DTL: variants seen among roughly 807,000 people sequenced by gnomAD.
The protein encoded by DTL is denticleless E3 ubiquitin protein ligase adapter.
In DTL, 46 loss-of-function variants were observed where a neutral mutation model predicts 87.0. The observed-to-expected ratio is 0.53, with a 90% CI of 0.42 to 0.68. The LOEUF is 0.68. Among genes scored for constraint, DTL ranks in the 30% least tolerant of loss-of-function variants. The pLI is 0.00. For synonymous variants in DTL, 308 were observed against 311.2 expected (o/e 0.99, Z 0.11); for missense variants, 737 against 869.4 (o/e 0.85, Z 1.91).
Position 212,100,261 on chromosome 1 carries a change from C to T in DTL, c.1271C>T (p.Thr424Met), listed in dbSNP as rs61733816. Residue 424 changes from threonine to methionine, a missense_variant, in exon 14 of 15, where the codon ACG (threonine) becomes ATG (methionine). Physicochemically the swap from Thr to Met is moderately conservative, Grantham distance 81. Transcript: ENST00000366991. ...CTCTCCTCTTTTTCAGTAACAGTAA[C>T]GAGTAGCCAGAGTACTCCTGCCAAA... The part of the protein sequence containing the change: ...KESRPGLVTV[T>M]SSQSTPAKAP... The T allele has an allele frequency of 1.0e-3, 1,612 of 1,553,602 alleles. 15 individuals carry two copies. In the African/African-American group the frequency reaches 0.02, roughly 19 times the overall value.
rs1331352989 is a variant in DTL at position 212,047,437 on chromosome 1, C to T, written c.460+20C>T. 7.4e-6 allele frequency: 12 copies of T among 1,613,902 alleles called. No individual in the cohort carries two copies. Among genetic ancestry groups the T allele is most frequent in the Non-Finnish European group, 1.0e-5 (12 of 1,179,956 alleles). Reference sequence around the variant, plus strand: ...AGAAAGGTAGGTTTGTGCTTATCTTCTTTCATCTCCTTAACCTTCTTTGCA... The same window carrying T: ...AGAAAGGTAGGTTTGTGCTTATCTTTTTTCATCTCCTTAACCTTCTTTGCA... On this transcript the variant is annotated intron_variant, in intron 5 of 14. Transcript: ENST00000366991.
Position 212,064,916 on chromosome 1 carries a change from G to C in DTL, c.527-1G>C. 1 of 1,612,554 alleles carries C rather than the reference G, an allele frequency of 6.2e-7. No individual in the cohort carries two copies. Among genetic ancestry groups the C allele is most frequent in the Non-Finnish European group, 8.5e-7 (1 of 1,178,610 alleles). ...CTAAATTTCCTTGGAATATCTTTCA[G>C]ATGGGTTTTATAGGCAAGTGAATCA... is the stretch of plus-strand genomic sequence containing the variant. On this transcript the variant is annotated splice_acceptor_variant, in intron 6 of 14. Transcript: ENST00000366991. LOFTEE classifies it high-confidence loss of function.
At chr1:212,065,106 G>A in intron 7 of DTL, 77 bp downstream of exon 7, 1 of 1,035,436 alleles carries the variant, frequency 9.7e-7, no homozygotes, top group Non-Finnish European at 1.5e-6. Flanking sequence ...TTGATTAAGT[G>A]AATGAGAATC....
At chr1:212,095,784 T>G (rs185947565) in intron 13 of DTL, among the ~76,000 whole-genome samples, 47 of 152,338 alleles carry the variant, frequency 3.1e-4, no homozygotes, top group African/African-American at 8.9e-4. Context: ...GCTAGTATTT[T>G]GTTGAGGATT....
chr1:212,076,134 T>G (rs1401444101), intron 11 of DTL, among the ~76,000 whole-genome samples: 1 of 152,214 alleles, frequency 6.6e-6, no homozygotes, highest in Admixed American at 6.5e-5. Context: ...TTGAGCTGTT[T>G]CCATTTTTTG....
chr1:212,074,526 G>A (rs998269334), intron 11 of DTL, among the ~76,000 whole-genome samples: 2 of 152,104 alleles, frequency 1.3e-5, no homozygotes, highest in Admixed American at 6.6e-5. Context: ...TGGTTCAGAC[G>A]TGATGTTCTT....
chr1:212,041,799 C>T (rs576111144), intron 1 of DTL, among the ~76,000 whole-genome samples: 1 of 152,234 alleles, frequency 6.6e-6, no homozygotes, highest in South Asian at 2.1e-4. Context: ...TGTGAGAGAC[C>T]GCGCCCGGCC....
intron 5 of DTL, among the ~76,000 whole-genome samples, chr1:212,059,149 G>A (rs1319474352): frequency 6.6e-6 from 1 of 152,070 alleles, no homozygotes; most frequent in Non-Finnish European, 1.5e-5. Context: ...TGAAAAGGAT[G>A]GGAATTCTCC....
At chr1:212,054,960 G>A (rs529460340) in intron 5 of DTL, among the ~76,000 whole-genome samples, 2 of 152,270 alleles carry the variant, frequency 1.3e-5, no homozygotes, top group East Asian at 3.9e-4. Context: ...AATGAATAGT[G>A]CCTGACACTT....
At chr1:212,050,447 G>C (rs1229369295) in intron 5 of DTL, among the ~76,000 whole-genome samples, 1 of 152,156 alleles carries the variant, frequency 6.6e-6, no homozygotes, top group African/African-American at 2.4e-5. Flanking sequence ...ACTTCTAGTG[G>C]ATAATTAAAA....
intron 13 of DTL, among the ~76,000 whole-genome samples, chr1:212,085,839 G>A (rs1655115223): frequency 6.6e-6 from 1 of 152,056 alleles, no homozygotes; most frequent in African/African-American, 2.4e-5. Context: ...TTTACATATG[G>A]ATATTTAACT....
intron 11 of DTL, among the ~76,000 whole-genome samples, chr1:212,075,771 A>T (rs1654810138): frequency 6.6e-6 from 1 of 152,194 alleles, no homozygotes. Flanking sequence ...TTTACAATGG[A>T]GTAGTTACTA....
chr1:212,064,328 A>G (rs1043580140), intron 6 of DTL, among the ~76,000 whole-genome samples: 2 of 152,120 alleles, frequency 1.3e-5, no homozygotes, highest in African/African-American at 4.8e-5. Flanking sequence ...CCTGTGCCTG[A>G]GTGGTACATT....
At position 212,100,738 on chromosome 1, in the gene DTL, A is replaced by C. The variant is rs1246414586; in HGVS notation, c.1748A>C (p.Asn583Thr). ...CVTELDGQVE[N>T]LHLDLCCLAG... ...ACTGAGCTTGATGGCCAAGTTGAAA[A>C]TCTTCATTTGGATCTGTGCTGCCTT... Residue 583 changes from asparagine to threonine, a missense_variant, in exon 14 of 15, where the codon AAT becomes ACT. Coordinates refer to ENST00000366991, the MANE Select transcript of DTL (RefSeq NM_016448.4). 1.2e-6 allele frequency: 2 copies of C among 1,614,124 alleles called. No individual in the cohort carries two copies. The highest frequency in any genetic ancestry group is 2.2e-5 in the South Asian group (2 of 91,082).
At chr1:212,092,199 C>A (rs1405065250) in intron 13 of DTL, among the ~76,000 whole-genome samples, 1 of 152,160 alleles carries the variant, frequency 6.6e-6, no homozygotes, top group Non-Finnish European at 1.5e-5. Flanking sequence ...TAAGTGAGAA[C>A]ATACGATGTT....
intron 1 of DTL, among the ~76,000 whole-genome samples, chr1:212,039,009 T>C (rs1667565667): frequency 1.3e-5 from 2 of 152,238 alleles, no homozygotes; most frequent in African/African-American, 4.8e-5. Context: ...CTCTTGAATT[T>C]ATTTCCATTT....
chr1:212,078,132 T>C (rs1654886932), intron 11 of DTL, 41 bp from the exon 12 acceptor site: 1 of 1,243,852 alleles, frequency 8.0e-7, no homozygotes, highest in African/African-American at 1.5e-5. Flanking sequence ...CTGGGAAATC[T>C]AATATTGCTT....
chr1:212,082,947 A>G (rs928980392), intron 13 of DTL, among the ~76,000 whole-genome samples: 2 of 152,190 alleles, frequency 1.3e-5, no homozygotes, highest in African/African-American at 4.8e-5. Flanking sequence ...AGAGAGCTAG[A>G]TTTAACCAGG....
Position 212,101,187 on chromosome 1 carries a change from T to G in DTL, c.2094+103T>G. ...TTTTTTTTTTTTTTAAAGAAAGAAA[T>G]CTATTTATTCCTAGTGCTGCCAAAT... On this transcript the variant is annotated intron_variant, in intron 14 of 14. Transcript: ENST00000366991. 1.0e-5 allele frequency: 9 copies of G among 869,912 alleles called. No homozygotes were observed. The South Asian group carries it at 1.9e-4, about 18-fold the overall frequency. 53.9% of individuals were successfully genotyped at this position (869,912 alleles called of 1,614,324 possible). A position where few individuals can be genotyped will look rare whatever the true frequency, so the allele number is the denominator to read the frequency against.
Sources: gnomAD v4.1 joint callset for allele counts (sites outside exome capture counted in the v4.1 genomes callset) on GRCh38, gnomAD v4.1.1 for gene constraint, MANE v1.5 for transcripts, NCBI Gene and HGNC (gene_info 2026-07-23, HGNC 2026-07-21) for gene names.